Variants in FAM20A observed in about 807,000 individuals in gnomAD.
FAM20A encodes FAM20A golgi associated secretory pathway pseudokinase, also known as pseudokinase FAM20A.
Under a neutral mutation model 52.0 loss-of-function variants are expected in FAM20A, and 42 were observed. The ratio of observed to expected loss-of-function variants is 0.81; its 90% CI spans 0.63 to 1.04. The LOEUF (loss-of-function observed/expected upper bound fraction) is 1.04. FAM20A is among the 50% of genes least tolerant of loss of function. The pLI, the probability that FAM20A is intolerant of heterozygous loss-of-function variation, is 0.00. For synonymous variants in FAM20A, 304 were observed against 298.9 expected, an observed-to-expected ratio of 1.02 and a Z score of -0.18; for missense variants, 742 against 712.7, an observed-to-expected ratio of 1.04 and a Z score of -0.47.
chr17:68,539,993 GA>G, intron 8 of FAM20A, 27 bp from the exon 9 acceptor site: 10 of 1,605,284 alleles, frequency 6.2e-6, no homozygotes, highest in Non-Finnish European at 8.5e-6. Flanking sequence ...GACTTAGCTG[GA>G]ACCAGCAGGC....
intron 3 of FAM20A, among the ~76,000 whole-genome samples, chr17:68,553,584 C>G (rs1247127016): frequency 6.6e-6 from 1 of 152,090 alleles, no homozygotes; most frequent in East Asian, 1.9e-4. Context: ...TCAGTCCTAG[C>G]TTTTTGATGC....
chr17:68,551,724 T>TATTATCATTATC, intron 4 of FAM20A, 149 bp downstream of exon 4: 1 of 293,280 alleles, frequency 3.4e-6, no homozygotes, highest in Non-Finnish European at 6.3e-6. Context: ...TTATTATTAT[T>TATTATCATTATC]ATCACCCCAA....
chr17:68,557,539 C>G (rs2087089295), intron 1 of FAM20A: 1 of 152,172 alleles, frequency 6.6e-6, no homozygotes. Flanking sequence ...GAGGCCTCAC[C>G]AGAAATGGAA....
Position 68,600,233 on chromosome 17 carries a change from G to A in FAM20A, c.404+30C>T. On this transcript the variant is annotated intron_variant, in intron 1 of 10. Transcript: ENST00000592554. This position sits in a 1 kb window ranked among gnomAD's most constrained non-coding sequence, Gnocchi z 6.2. Reference sequence around the variant, plus strand: ...CGGGGAGGCCCCGGCCAGAGCGCCCGCTCTCCCGCGTCCCGGGCGGGGTCC... The same window carrying A: ...CGGGGAGGCCCCGGCCAGAGCGCCCACTCTCCCGCGTCCCGGGCGGGGTCC... The A allele has an allele frequency of 6.5e-7, 1 of 1,548,754 alleles. No homozygotes were observed. Among genetic ancestry groups the A allele is most frequent in the South Asian group, 1.2e-5 (1 of 83,924 alleles).
chr17:68,562,070 C>T (rs775875550), intron 1 of FAM20A, among the ~76,000 whole-genome samples: 12 of 152,144 alleles, frequency 7.9e-5, no homozygotes, highest in South Asian at 2.1e-4. Flanking sequence ...GTGATCCACC[C>T]GCCTTGGCCT....
intron 4 of FAM20A, 80 bp from the exon 5 acceptor site, chr17:68,543,801 C>T (rs767016226): frequency 2.7e-5 from 34 of 1,256,348 alleles, no homozygotes; most frequent in Admixed American, 1.0e-4. Context: ...GCATGACCAG[C>T]GAGAAAGGAA....
chr17:68,582,521 G>C (rs2088036507), intron 1 of FAM20A: 1 of 152,166 alleles, frequency 6.6e-6, no homozygotes, highest in Admixed American at 6.5e-5. Context: ...AATGGATAAG[G>C]CTGCATATCG....
intron 3 of FAM20A, 131 bp from the exon 4 acceptor site, chr17:68,552,082 C>T: frequency 1.4e-6 from 1 of 691,322 alleles, no homozygotes; most frequent in Non-Finnish European, 2.7e-6. Flanking sequence ...CTAGGATGTG[C>T]TCTCCATAGC....
At chr17:68,558,777 C>T (rs1163618323) in intron 1 of FAM20A, among the ~76,000 whole-genome samples, 2 of 151,904 alleles carry the variant, frequency 1.3e-5, no homozygotes, top group Admixed American at 6.6e-5. Context: ...TTCCTTCTTT[C>T]GACGAAGTTT....
chr17:68,578,823 C>A (rs1452247420), intron 1 of FAM20A, among the ~76,000 whole-genome samples: 3 of 119,060 alleles, frequency 2.5e-5, no homozygotes, highest in Non-Finnish European at 4.9e-5. Flanking sequence ...GAAACCCTGT[C>A]TCTACTAAAA....
intron 3 of FAM20A, among the ~76,000 whole-genome samples, chr17:68,553,118 C>G (rs1033238011): frequency 2.0e-5 from 3 of 152,160 alleles, no homozygotes; most frequent in Non-Finnish European, 2.9e-5. Context: ...GTGGTTGGAT[C>G]ATGGGGCAGC....
chr17:68,572,001 TATATATATATATATATATATATATATA>T (rs1339046071), intron 1 of FAM20A, among the ~76,000 whole-genome samples: 1 of 88,636 alleles, frequency 1.1e-5, no homozygotes, highest in Non-Finnish European at 2.1e-5. Flanking sequence ...TATATATATA[TATATATATATATATATATATATATATA>T]TATATATATA....
chr17:68,577,429 G>T (rs886687810), intron 1 of FAM20A, among the ~76,000 whole-genome samples: 1 of 152,242 alleles, frequency 6.6e-6, no homozygotes, highest in Admixed American at 6.5e-5. Context: ...TAGACCAGTG[G>T]TTCGCCACTG....
At chr17:68,552,213 C>G (rs1353761697) in intron 3 of FAM20A, among the ~76,000 whole-genome samples, 7 of 151,742 alleles carry the variant, frequency 4.6e-5, no homozygotes, top group Non-Finnish European at 1.0e-4. Context: ...TTGAAACCAG[C>G]CTGGGCAACA....
intron 1 of FAM20A, among the ~76,000 whole-genome samples, chr17:68,560,605 T>C (rs1480572102): frequency 6.6e-6 from 1 of 152,232 alleles, no homozygotes; most frequent in Non-Finnish European, 1.5e-5. Context: ...AGGTTGTTTG[T>C]AATGTTTTGT....
intron 7 of FAM20A, chr17:68,541,285 C>T: frequency 2.6e-6 from 1 of 378,260 alleles, no homozygotes; most frequent in Non-Finnish European, 5.1e-6. Flanking sequence ...GTCCCTCTCA[C>T]CAAGCCTCTT....
intron 1 of FAM20A, among the ~76,000 whole-genome samples, chr17:68,571,932 A>G (rs987880841): frequency 1.4e-5 from 2 of 145,710 alleles, no homozygotes; most frequent in African/African-American, 5.0e-5. Context: ...TATCAAACTT[A>G]TGTAGAAATA....
chr17:68,558,177 G>A (rs564991173), intron 1 of FAM20A, among the ~76,000 whole-genome samples: 134 of 152,216 alleles, frequency 8.8e-4, no homozygotes, highest in Non-Finnish European at 1.2e-3. Context: ...AATGCTTCCC[G>A]GCTGAAGCCA....
intron 1 of FAM20A, among the ~76,000 whole-genome samples, chr17:68,587,098 G>T (rs572321840): frequency 6.6e-6 from 1 of 152,288 alleles, no homozygotes; most frequent in East Asian, 1.9e-4. Flanking sequence ...GTTTCTCCAT[G>T]TTGGCCAGGA....
Sources: allele counts gnomAD v4.1 joint callset (sites outside exome capture counted in the v4.1 genomes callset), GRCh38; gene constraint gnomAD v4.1.1; non-coding constraint Gnocchi (gnomAD v3.1); transcripts MANE v1.5; gene names NCBI Gene and HGNC (gene_info 2026-07-23, HGNC 2026-07-21).